Variants in SYT16 observed in about 807,000 individuals in gnomAD.
SYT16 encodes the protein synaptotagmin-16.
Under a neutral mutation model 61.4 loss-of-function variants are expected in SYT16, and 42 were observed. The observed-to-expected ratio is 0.68, with a 90% CI of 0.53 to 0.89. The LOEUF (loss-of-function observed/expected upper bound fraction) is 0.89, where lower values mean the gene tolerates loss of function less well. Ranked by LOEUF, SYT16 falls within the 40% of genes least tolerant of loss-of-function variation. The pLI, the probability that SYT16 is intolerant of heterozygous loss-of-function variation, is 0.00. For missense variants in SYT16, 804 were observed against 807.3 expected, an observed-to-expected ratio of 1.00 and a Z score of 0.05; for synonymous variants, 314 against 302.3, an observed-to-expected ratio of 1.04 and a Z score of -0.40.
In SYT16 at chr14:61,869,112, T is replaced by C. The variant is rs189546158; in HGVS notation, c.-325+56302T>C. On this transcript the variant is annotated intron_variant, in intron 1 of 7. Transcript: ENST00000683842. ...CACTCAGCTTTATTTCGGTTAGTTT[T>C]AGTGTGGTTTATCTTTTTTCTATCT... 1.7e-3 allele frequency among the ~76,000 whole-genome samples: 260 copies of C among 152,226 alleles called. 2 individuals are homozygous for C. The highest frequency in any genetic ancestry group is 5.9e-3 in the African/African-American group (247 of 41,586).
chr14:61,829,682 T>C (rs1210825252), intron 1 of SYT16, among the ~76,000 whole-genome samples: 9 of 151,010 alleles, frequency 6.0e-5, no homozygotes, highest in Non-Finnish European at 1.2e-4. Flanking sequence ...TGAGACGGAG[T>C]CTCGCTCTGT....
chr14:61,938,990 C>T (rs1229782759), intron 1 of SYT16, among the ~76,000 whole-genome samples: 1 of 152,164 alleles, frequency 6.6e-6, no homozygotes, highest in Non-Finnish European at 1.5e-5. Context: ...CAAAAATTAG[C>T]TGGGCATGGT....
chr14:61,991,734 A>T (rs2052557494), intron 2 of SYT16, among the ~76,000 whole-genome samples: 1 of 152,158 alleles, frequency 6.6e-6, no homozygotes, highest in South Asian at 2.1e-4. Flanking sequence ...TTATTGACAA[A>T]AAAGTACAGA....
chr14:61,880,288 T>G (rs2047652991), intron 1 of SYT16, among the ~76,000 whole-genome samples: 1 of 152,180 alleles, frequency 6.6e-6, no homozygotes, highest in African/African-American at 2.4e-5. Context: ...CTTCCATATG[T>G]GGGTATGGGG....
chr14:62,021,289 C>T (rs1216101325), intron 3 of SYT16, among the ~76,000 whole-genome samples: 1 of 151,956 alleles, frequency 6.6e-6, no homozygotes, highest in Admixed American at 6.6e-5. Context: ...GAGTGGTGGT[C>T]TTTGTTGTTC....
At chr14:61,962,192 G>A (rs1031115507) in intron 1 of SYT16, among the ~76,000 whole-genome samples, 3 of 151,948 alleles carry the variant, frequency 2.0e-5, no homozygotes, top group African/African-American at 4.8e-5. Flanking sequence ...GGGTGATGAA[G>A]TAATCTATAC....
chr14:61,955,664 C>A (rs993841166), intron 1 of SYT16, among the ~76,000 whole-genome samples: 2 of 151,840 alleles, frequency 1.3e-5, no homozygotes, highest in South Asian at 4.2e-4. Flanking sequence ...TATGTATATA[C>A]CACATTTTCT....
chr14:62,088,803 A>G (rs995396037), intron 7 of SYT16, among the ~76,000 whole-genome samples: 3 of 152,202 alleles, frequency 2.0e-5, no homozygotes, highest in South Asian at 2.1e-4. Flanking sequence ...CCTCCACTGT[A>G]CTATTATTTC....
At chr14:61,893,223 C>G (rs920766942) in intron 1 of SYT16, among the ~76,000 whole-genome samples, 14 of 152,176 alleles carry the variant, frequency 9.2e-5, no homozygotes, top group Admixed American at 7.2e-4. Flanking sequence ...ATTGTTATGG[C>G]CATAGCCAGG....
chr14:62,048,791 G>A (rs752756089), intron 3 of SYT16, among the ~76,000 whole-genome samples: 1 of 152,216 alleles, frequency 6.6e-6, no homozygotes, highest in Non-Finnish European at 1.5e-5. Context: ...GGGGTTTTGA[G>A]TGAGTTTCTG....
chr14:61,971,963 A>G (rs1250953014), intron 2 of SYT16, among the ~76,000 whole-genome samples: 1 of 152,238 alleles, frequency 6.6e-6, no homozygotes, highest in Admixed American at 6.5e-5. Flanking sequence ...GTATGAAGGT[A>G]GGATTCATCA....
chr14:62,060,538 A>C (rs2055781176), intron 3 of SYT16, among the ~76,000 whole-genome samples: 1 of 151,824 alleles, frequency 6.6e-6, no homozygotes, highest in South Asian at 2.1e-4. Flanking sequence ...AGAAATTGAC[A>C]ATAAATTCTG....
intron 3 of SYT16, among the ~76,000 whole-genome samples, chr14:62,016,573 C>T (rs1310937556): frequency 2.7e-5 from 4 of 147,652 alleles, no homozygotes; most frequent in Non-Finnish European, 6.0e-5. Flanking sequence ...ATTAGCCGGG[C>T]GTGGTGGCGG....
chr14:61,906,787 G>GTCCGTCCA (rs375002498), intron 1 of SYT16, among the ~76,000 whole-genome samples: 2,839 of 142,384 alleles, frequency 0.02, 54 homozygotes, highest in African/African-American at 0.045. Flanking sequence ...CCGTCCGTCC[G>GTCCGTCCA]TCCATCCATC....
intron 1 of SYT16, among the ~76,000 whole-genome samples, chr14:61,942,750 T>G (rs1446340714): frequency 2.6e-5 from 4 of 152,222 alleles, no homozygotes; most frequent in Non-Finnish European, 5.9e-5. Flanking sequence ...AGTTTCAGTT[T>G]TATTTGTTTG....
chr14:61,841,161 C>T (rs2046290958), intron 1 of SYT16, among the ~76,000 whole-genome samples: 1 of 152,150 alleles, frequency 6.6e-6, no homozygotes, highest in Non-Finnish European at 1.5e-5. Context: ...CCCAAGGTCT[C>T]TTAGGGTTAT....
At chr14:61,930,482 T>C (rs1463951312) in intron 1 of SYT16, among the ~76,000 whole-genome samples, 3 of 152,050 alleles carry the variant, frequency 2.0e-5, no homozygotes, top group Non-Finnish European at 2.9e-5. Context: ...TAACATCTGT[T>C]GGAACTGCCT....
At chr14:61,964,717 A>C (rs1287591301) in intron 1 of SYT16, among the ~76,000 whole-genome samples, 9 of 152,168 alleles carry the variant, frequency 5.9e-5, no homozygotes, top group African/African-American at 2.2e-4. Context: ...TATGCTACAG[A>C]GAAATCTTTC....
At chr14:61,980,084 C>G (rs1044427889) in intron 2 of SYT16, among the ~76,000 whole-genome samples, 1 of 152,154 alleles carries the variant, frequency 6.6e-6, no homozygotes, top group African/African-American at 2.4e-5. Context: ...AAAATGTCCC[C>G]TTTATACTTC....
Sources: allele counts gnomAD v4.1 joint callset (sites outside exome capture counted in the v4.1 genomes callset), GRCh38; gene constraint gnomAD v4.1.1; transcripts MANE v1.5; gene names NCBI Gene and HGNC (gene_info 2026-07-23, HGNC 2026-07-21).